Variants in INVS observed in about 807,000 individuals in gnomAD.
INVS encodes inversin.
A neutral mutation model predicts 108.8 loss-of-function variants in INVS; 86 were observed. The observed-to-expected ratio is 0.79, with a 90% CI of 0.66 to 0.95. INVS has a LOEUF of 0.95. INVS is among the 40% of genes least tolerant of loss of function. The probability of loss-of-function intolerance (pLI) is 0.00; values close to 1 mark genes in which losing one functional copy is unlikely to be tolerated. For synonymous variants in INVS, 455 were observed against 473.5 expected (o/e 0.96, Z 0.51); for missense variants, 1,169 against 1,297.4 (o/e 0.90, Z 1.52).
At chr9:100,238,284 A>C (rs1364976860) in intron 5 of INVS, among the ~76,000 whole-genome samples, 1 of 151,906 alleles carries the variant, frequency 6.6e-6, no homozygotes. Context: ...TCAGCATATT[A>C]TTTTGCTACT....
At chr9:100,119,240 C>G (rs1827649182) in intron 2 of INVS, among the ~76,000 whole-genome samples, 1 of 152,140 alleles carries the variant, frequency 6.6e-6, no homozygotes, top group Non-Finnish European at 1.5e-5. Context: ...TAAAACTGCA[C>G]ATTCATTTCT....
chr9:100,269,309 A>G (rs1243670310), intron 11 of INVS, among the ~76,000 whole-genome samples: 2 of 152,180 alleles, frequency 1.3e-5, no homozygotes, highest in African/African-American at 4.8e-5. Flanking sequence ...TAATGACTCT[A>G]TGATAATTTT....
intron 14 of INVS, among the ~76,000 whole-genome samples, chr9:100,295,976 C>T (rs1444382983): frequency 1.3e-5 from 2 of 152,192 alleles, no homozygotes; most frequent in African/African-American, 4.8e-5. Context: ...TGGTGTTACC[C>T]TCCAGGACAG....
intron 3 of INVS, chr9:100,176,094 G>T (rs557250966): frequency 2.1e-6 from 1 of 469,830 alleles, no homozygotes; most frequent in Non-Finnish European, 4.1e-6. Flanking sequence ...TTCAGTCTGG[G>T]CACTGGCTGA....
rs547659312 is a variant in INVS, at chr9:100,142,320, C to T, written c.273+15771C>T. Reference sequence around the variant, plus strand: ...AGGGCTTGGGTTAAGGCAACTAGTTCGGCTTGCTGAGAGGTAGTGGAGGGG... The same window carrying T: ...AGGGCTTGGGTTAAGGCAACTAGTTTGGCTTGCTGAGAGGTAGTGGAGGGG... On this transcript the variant is annotated intron_variant, in intron 3 of 16. Coordinates refer to ENST00000262457, the MANE Select transcript of INVS (RefSeq NM_014425.5). 2.6e-5 allele frequency among the ~76,000 whole-genome samples: 4 copies of T among 152,236 alleles called. No homozygotes were observed. The East Asian group carries it at 5.8e-4, about 22-fold the overall frequency.
chr9:100,262,638 TAAAA>T (rs58650063), intron 10 of INVS, among the ~76,000 whole-genome samples: 2,169 of 116,474 alleles, frequency 0.019, 34 homozygotes, highest in Middle Eastern at 0.045. Flanking sequence ...CCTGGAGCAC[TAAAA>T]AAAAAAAAAA....
At chr9:100,143,046 G>A (rs536130832) in intron 3 of INVS, among the ~76,000 whole-genome samples, 3 of 152,254 alleles carry the variant, frequency 2.0e-5, no homozygotes, top group Non-Finnish European at 4.4e-5. Context: ...AGTAATGGGG[G>A]CTGTCTGTGA....
chr9:100,216,542 A>G (rs977808225), intron 3 of INVS, among the ~76,000 whole-genome samples: 1 of 152,256 alleles, frequency 6.6e-6, no homozygotes. Context: ...GGAATCAGAT[A>G]CATAGAACAG....
chr9:100,230,239 A>C (rs943186699), intron 5 of INVS, among the ~76,000 whole-genome samples: 7 of 151,640 alleles, frequency 4.6e-5, no homozygotes, highest in South Asian at 4.1e-4. Flanking sequence ...AAGTTTAAGA[A>C]AAAGTATATT....
intron 13 of INVS, 133 bp downstream of exon 13, chr9:100,284,736 C>A (rs1321718472): frequency 1.0e-6 from 1 of 955,776 alleles, no homozygotes; most frequent in Non-Finnish European, 1.6e-6. Context: ...GATTTGTGTT[C>A]TACTTGTTTC....
rs1554730793 is a variant in INVS at position 100,292,833 on chromosome 9, C to T, written c.2576C>T (p.Ala859Val). The change falls in exon 14 of 17, where the codon GCT becomes GTT. Residue 859 changes from alanine (A) to valine (V), a missense_variant. Transcript: ENST00000262457. ...AGCACAGAGGAGTTGAGGTCAGGAG[C>T]TAGGAGGCTGGAGACATCTACCCTG... is the stretch of plus-strand genomic sequence containing the variant. The part of the protein sequence containing the change: ...PQSTEELRSG[A>V]RRLETSTLSE... The T allele has an allele frequency of 6.2e-7, 1 of 1,614,136 alleles. No homozygotes were observed. Among genetic ancestry groups the T allele is most frequent in the Non-Finnish European group, 8.5e-7 (1 of 1,180,022 alleles).
chr9:100,208,957 T>C (rs1355842960), intron 3 of INVS, among the ~76,000 whole-genome samples: 1 of 152,184 alleles, frequency 6.6e-6, no homozygotes, highest in African/African-American at 2.4e-5. Context: ...TTTTTTTTCT[T>C]TTTTACCAAT....
At chr9:100,220,240 C>A (rs1831104351) in intron 3 of INVS, among the ~76,000 whole-genome samples, 1 of 151,980 alleles carries the variant, frequency 6.6e-6, no homozygotes, top group South Asian at 2.1e-4. Context: ...AAGTGCTGTT[C>A]TCTGGGTCAG....
intron 3 of INVS, among the ~76,000 whole-genome samples, chr9:100,206,381 T>C (rs1037333952): frequency 8.5e-5 from 13 of 152,162 alleles, no homozygotes; most frequent in Non-Finnish European, 1.6e-4. Context: ...TTTTCTAACT[T>C]TATGTTTTGA....
intron 3 of INVS, among the ~76,000 whole-genome samples, chr9:100,145,637 T>C (rs1828580649): frequency 6.6e-6 from 1 of 152,028 alleles, no homozygotes; most frequent in African/African-American, 2.4e-5. Flanking sequence ...TGGGAGGTTC[T>C]TGCCCCCCAG....
intron 12 of INVS, among the ~76,000 whole-genome samples, chr9:100,281,609 A>T (rs1369375076): frequency 1.3e-5 from 2 of 152,216 alleles, no homozygotes; most frequent in African/African-American, 4.8e-5. Context: ...GATTTTTTTA[A>T]TGCAAAATGC....
rs1224928634 is a variant in INVS, at chr9:100,292,880, A to G, written c.2623A>G (p.Lys875Glu). ...CCTGTCCGAGGACTTTCAGGTATCT[A>G]AGGAGACTGATCCAGCACCTGGTCC... ...STLSEDFQVS[K>E]ETDPAPGPLS... Residue 875 changes from lysine (K) to glutamate (E), a missense_variant, in exon 14 of 17, where the codon AAG becomes GAG. This residue lies in a region of INVS where 533 missense variants were observed against 536.0 expected (regional missense o/e 0.99). Coordinates refer to ENST00000262457, the MANE Select transcript of INVS (RefSeq NM_014425.5). 2 of 1,614,168 alleles carry G rather than the reference A, an allele frequency of 1.2e-6. No homozygotes were observed. The highest frequency in any genetic ancestry group is 1.7e-5 in the Admixed American group (1 of 60,016).
Position 100,242,651 on chromosome 9 carries a change from TGCACTA to T in INVS, c.879_884del (p.Leu293_Tyr295delinsPhe). 3.1e-6 allele frequency: 5 copies of T among 1,606,430 alleles called. No homozygotes were observed. Among genetic ancestry groups the T allele is most frequent in the Non-Finnish European group, 4.3e-6 (5 of 1,173,028 alleles). ...TCTGACAGCCAAGGAGCCACACCTTTGCACTATGCTGCTCAGAGTAACTTTGCTGTA... is the reference window on the plus strand; with the variant it reads ...TCTGACAGCCAAGGAGCCACACCTTTTGCTGCTCAGAGTAACTTTGCTGTA... On this transcript the variant is annotated inframe_deletion, in exon 7 of 17. Coordinates refer to ENST00000262457, the MANE Select transcript of INVS (RefSeq NM_014425.5).
intron 1 of INVS, among the ~76,000 whole-genome samples, chr9:100,103,583 GC>G (rs1430269748): frequency 2.0e-5 from 3 of 151,582 alleles, no homozygotes; most frequent in Non-Finnish European, 4.4e-5. Flanking sequence ...AGCTGACATC[GC>G]ACCACTGCAC....
Sources: allele counts gnomAD v4.1 joint callset (sites outside exome capture counted in the v4.1 genomes callset), GRCh38; gene constraint gnomAD v4.1.1; regional missense constraint gnomAD v4.1.1; transcripts MANE v1.5; gene names NCBI Gene and HGNC (gene_info 2026-07-23, HGNC 2026-07-21).